SLC35F5: variants seen among roughly 807,000 people sequenced by gnomAD.
SLC35F5 encodes the protein solute carrier family 35 member F5, also known as HCV NS5A-transactivated protein 3.
SLC35F5 carries 54 observed loss-of-function variants against 68.6 expected under a neutral mutation model. The observed-to-expected ratio is 0.79, with a 90% CI of 0.63 to 0.99. The LOEUF (loss-of-function observed/expected upper bound fraction) is 0.99, where lower values mean the gene tolerates loss of function less well. SLC35F5 is among the 50% of genes least tolerant of loss of function. SLC35F5 has a pLI of 0.00. For missense variants in SLC35F5, 567 were observed against 626.9 expected (o/e 0.90, Z 1.02); for synonymous variants, 211 against 205.2 (o/e 1.03, Z -0.24).
intron 10 of SLC35F5, 97 bp from the exon 11 acceptor site, chr2:113,729,602 CAA>C: frequency 1.5e-6 from 1 of 682,898 alleles, no homozygotes; most frequent in Non-Finnish European, 2.6e-6. Flanking sequence ...CAAGAATATA[CAA>C]AAGTGAAAAG....
downstream of SLC35F5, among the ~76,000 whole-genome samples, chr2:113,706,512 T>C (rs62168821): frequency 0.18 from 27,202 of 152,198 alleles, 2,950 homozygotes; most frequent in South Asian, 0.24. Context: ...TATCATGAGA[T>C]GGAATGTAGG....
chr2:113,720,462 C>G (rs1028831075), intron 13 of SLC35F5, among the ~76,000 whole-genome samples: 2 of 151,982 alleles, frequency 1.3e-5, no homozygotes, highest in African/African-American at 4.8e-5. Context: ...AGGGAACTCA[C>G]AATGCATAAC....
In SLC35F5 at chr2:113,711,676, C is replaced by T. The variant is rs1686989375; in HGVS notation, c.*3542G>A. On this transcript the variant is annotated 3_prime_UTR_variant, in exon 16 of 16. Transcript: ENST00000245680. ...ATGCCACTTCACCATTTAAAAAAGTCAGCACACAATGTTAGCTATGTAAGT... is the reference window on the plus strand; with the variant it reads ...ATGCCACTTCACCATTTAAAAAAGTTAGCACACAATGTTAGCTATGTAAGT... Among the ~76,000 whole-genome samples, 1 of 152,132 alleles carries T rather than the reference C, an allele frequency of 6.6e-6. No individual in the cohort carries two copies. Among genetic ancestry groups the T allele is most frequent in the Non-Finnish European group, 1.5e-5 (1 of 68,020 alleles).
intron 3 of SLC35F5, among the ~76,000 whole-genome samples, chr2:113,754,306 A>G (rs999573445): frequency 0.023 from 1,880 of 81,418 alleles, 35 homozygotes; most frequent in African/African-American, 0.066. Flanking sequence ...AAAAAAAAAG[A>G]AAAAAAAAAA....
intron 13 of SLC35F5, among the ~76,000 whole-genome samples, chr2:113,722,569 C>A (rs1687488047): frequency 6.6e-6 from 1 of 152,230 alleles, no homozygotes; most frequent in South Asian, 2.1e-4. Context: ...TTCTAGGCTG[C>A]TGGCAGAAAC....
chr2:113,721,466 C>T (rs186090239), intron 13 of SLC35F5: 46 of 153,886 alleles, frequency 3.0e-4, no homozygotes, highest in Admixed American at 2.8e-3. Context: ...AAATTATAAC[C>T]ATTATTGTTT....
At chr2:113,755,982 T>C in intron 1 of SLC35F5, 2 of 1,543,938 alleles carry the variant, frequency 1.3e-6, no homozygotes, top group Non-Finnish European at 8.7e-7. Flanking sequence ...CTGTGGGTCT[T>C]GAAGGCACCT....
Position 113,716,619 on chromosome 2 carries a change from C to T in SLC35F5, c.*22+1134G>A, listed in dbSNP as rs74334898. On this transcript the variant is annotated intron_variant, in intron 15 of 15. Coordinates refer to ENST00000245680, the MANE Select transcript of SLC35F5 (RefSeq NM_025181.5). ...AAAGTCAGCTGAAGATGCCTAAAAC[C>T]GAGAACTCATGAAACACAAGTCATA... 9.6e-3 allele frequency among the ~76,000 whole-genome samples: 1,460 copies of T among 152,016 alleles called. 30 individuals are homozygous for T. The highest frequency in any genetic ancestry group is 0.032 in the African/African-American group (1,344 of 41,428).
Position 113,756,624 on chromosome 2 carries a change from C to T in SLC35F5, c.-215G>A. 7.7e-7 allele frequency: 1 copy of T among 1,299,158 alleles called. No homozygotes were observed. The highest frequency in any genetic ancestry group is 1.0e-6 in the Non-Finnish European group (1 of 991,698). The allele number at this position is 1,299,158 out of a possible 1,614,324, so 80.5% of individuals were successfully genotyped here. A position where few individuals can be genotyped will look rare whatever the true frequency, so the allele number is the denominator to read the frequency against. On this transcript the variant is annotated 5_prime_UTR_variant, in exon 1 of 16. Transcript: ENST00000245680. ...AAGGGACGGCACAGTCAGCTATGGC[C>T]GCGGAGGCCCGGAGATCTGCTCTGG... is the stretch of plus-strand genomic sequence containing the variant.
intron 11 of SLC35F5, among the ~76,000 whole-genome samples, chr2:113,728,543 T>G (rs1448107596): frequency 6.6e-6 from 1 of 152,216 alleles, no homozygotes. Flanking sequence ...ACTAGACCCC[T>G]GCATGCAACT....
chr2:113,719,237 T>C lies in SLC35F5; in HGVS notation c.1413A>G (p.Leu471=), dbSNP rs776689823. 11 of 1,604,374 alleles carry C rather than the reference T, an allele frequency of 6.9e-6. No homozygotes were observed. Among genetic ancestry groups the C allele is most frequent in the East Asian group, 4.5e-5 (2 of 44,642 alleles). ...CAGGATCCCAATTATTATAATGGCA[T>C]AGGAGAGTTACAATAAAAAATGAAA... is the stretch of plus-strand genomic sequence containing the variant. The part of the protein sequence containing the change: ...VFFSFFIVTL[L]CHYNNWDPVM... Residue 471 remains leucine, a synonymous_variant, in exon 14 of 16, where the codon CTA becomes CTG. Coordinates refer to ENST00000245680, the MANE Select transcript of SLC35F5 (RefSeq NM_025181.5).
intron 4 of SLC35F5, among the ~76,000 whole-genome samples, chr2:113,748,661 T>C (rs898458868): frequency 6.6e-6 from 1 of 152,200 alleles, no homozygotes; most frequent in East Asian, 1.9e-4. Context: ...GATATTATGA[T>C]GTATATATAA....
chr2:113,745,160 G>A (rs1299275036), intron 5 of SLC35F5, among the ~76,000 whole-genome samples: 1 of 152,118 alleles, frequency 6.6e-6, no homozygotes, highest in African/African-American at 2.4e-5. Flanking sequence ...ATAATAGTAA[G>A]AATTAGTACA....
chr2:113,756,561 C>T lies in SLC35F5; in HGVS notation c.-152G>A, dbSNP rs1321665661. On this transcript the variant is annotated 5_prime_UTR_variant, in exon 1 of 16. Coordinates refer to ENST00000245680, the MANE Select transcript of SLC35F5 (RefSeq NM_025181.5). The stretch of plus-strand genomic sequence containing the variant: ...GGGAGAGGCTCCCGACACCACCCAA[C>T]TCCACTCGGCCCAGGAGGGCGTGGA... 1.5e-5 allele frequency: 22 copies of T among 1,463,544 alleles called. No homozygotes were observed. Among genetic ancestry groups the T allele is most frequent in the Non-Finnish European group, 1.8e-5 (20 of 1,111,150 alleles). 90.7% of individuals were successfully genotyped at this position (1,463,544 alleles called of 1,614,324 possible). A position where few individuals can be genotyped will look rare whatever the true frequency, so the allele number is the denominator to read the frequency against.
intron 1 of SLC35F5, 54 bp downstream of exon 1, chr2:113,756,316 A>G (rs1344240186): frequency 2.6e-6 from 4 of 1,551,888 alleles, no homozygotes; most frequent in Non-Finnish European, 3.5e-6. Flanking sequence ...GCTGGTGGGC[A>G]CTCCGTCCCG....
chr2:113,725,692 G>C, intron 11 of SLC35F5, 155 bp from the exon 12 acceptor site: 1 of 595,868 alleles, frequency 1.7e-6, no homozygotes, highest in Non-Finnish European at 2.8e-6. Flanking sequence ...TCAGTCCTGT[G>C]AATAGCTCAA....
At chr2:113,725,661 T>G in intron 11 of SLC35F5, 124 bp from the exon 12 acceptor site, 1 of 836,074 alleles carries the variant, frequency 1.2e-6, no homozygotes, top group Non-Finnish European at 1.8e-6. Context: ...TAGCTAAAAC[T>G]TCTGTTGGTT....
rs11893959 is a variant in SLC35F5 at position 113,707,356 on chromosome 2, T to C, written c.*7862A>G. On this transcript the variant is annotated 3_prime_UTR_variant, in exon 16 of 16. Coordinates refer to ENST00000245680, the MANE Select transcript of SLC35F5 (RefSeq NM_025181.5). ...GATGCAATCTTGTCTTATATAAATA[T>C]ACAAATCACAGTATGCTGACACTAG... Among the ~76,000 whole-genome samples, 426 of 152,272 alleles carry C rather than the reference T, an allele frequency of 2.8e-3. 2 individuals carry two copies. Among genetic ancestry groups the C allele is most frequent in the African/African-American group, 9.6e-3 (399 of 41,560 alleles).
chr2:113,725,679 A>C, intron 11 of SLC35F5, 142 bp from the exon 12 acceptor site: 1 of 707,286 alleles, frequency 1.4e-6, no homozygotes, highest in Non-Finnish European at 2.3e-6. Context: ...GTTTGTTTTT[A>C]AGTCAGTCCT....
Sources: gnomAD v4.1 joint callset for allele counts (sites outside exome capture counted in the v4.1 genomes callset) on GRCh38, gnomAD v4.1.1 for gene constraint, MANE v1.5 for transcripts, NCBI Gene and HGNC (gene_info 2026-07-23, HGNC 2026-07-21) for gene names.